Variants in APEH observed in about 807,000 individuals in gnomAD.
The protein encoded by APEH is acylaminoacyl-peptide hydrolase, also known as acylamino-acid-releasing enzyme.
Under a neutral mutation model 102.7 loss-of-function variants are expected in APEH, and 75 were observed. The observed-to-expected ratio is 0.73, with a 90% CI of 0.61 to 0.89. The LOEUF (loss-of-function observed/expected upper bound fraction) is 0.89, where lower values mean the gene tolerates loss of function less well. Among genes scored for constraint, APEH ranks in the 40% least tolerant of loss-of-function variants. APEH has a pLI of 0.00. For synonymous variants in APEH, 344 were observed against 362.7 expected (o/e 0.95, Z 0.59); for missense variants, 863 against 941.2 (o/e 0.92, Z 1.09).
chr3:49,673,568 C>G (rs1390100790), upstream of APEH, among the ~76,000 whole-genome samples: 6 of 152,172 alleles, frequency 3.9e-5, no homozygotes, highest in Admixed American at 3.9e-4. Context: ...GTCCGGGCAG[C>G]ACCCTAAGAG....
chr3:49,682,499 C>A (rs759761497), intron 18 of APEH, 47 bp from the exon 19 acceptor site: 1 of 1,612,778 alleles, frequency 6.2e-7, no homozygotes, highest in Non-Finnish European at 8.5e-7. Flanking sequence ...TGCCTCCATT[C>A]AGCTGAGCGG....
In APEH at chr3:49,679,631, C is replaced by T. The variant is rs776070824; in HGVS notation, c.1197C>T (p.Thr399=). The T allele has an allele frequency of 3.7e-6, 6 of 1,613,704 alleles. No homozygotes were observed. The Admixed American group carries it at 8.3e-5, about 22-fold the overall frequency. The change falls in exon 13 of 22, where the codon ACC becomes ACT. Residue 399 remains threonine (T), a synonymous_variant. Coordinates refer to ENST00000296456, the MANE Select transcript of APEH (RefSeq NM_001640.4). This position sits in a 1 kb window ranked among gnomAD's most constrained non-coding sequence, Gnocchi z 4.3. The part of the protein sequence containing the change: ...FAVDTQVGTV[T]SLTAGGSGGS... ...TGGACACCCAAGTGGGCACTGTGACCTCCCTCACAGCTGGTGAGCAAGGCT... is the reference window on the plus strand; with the variant it reads ...TGGACACCCAAGTGGGCACTGTGACTTCCCTCACAGCTGGTGAGCAAGGCT...
intron 10 of APEH, among the ~76,000 whole-genome samples, chr3:49,677,354 C>T (rs1367753083): frequency 6.6e-6 from 1 of 152,200 alleles, no homozygotes; most frequent in Non-Finnish European, 1.5e-5. Context: ...AGACCCTCCC[C>T]AGGAAGAGCT....
At chr3:49,683,212 A>C in intron 21 of APEH, 25 bp from the exon 22 acceptor site, 1 of 1,610,446 alleles carries the variant, frequency 6.2e-7, no homozygotes, top group South Asian at 1.1e-5. Flanking sequence ...CTCCAACCTT[A>C]AATGTTGCTG....
At position 49,676,091 on chromosome 3, in the gene APEH, A is replaced by G. The variant is rs1559630464; in HGVS notation, c.478A>G (p.Thr160Ala). The stretch of plus-strand genomic sequence containing the variant: ...CTGCCTGTCCTGGTCGCACTCGGAG[A>G]CACACTTGTTGTATGTGGCAGAGAA... ...FGCLSWSHSE[T>A]HLLYVAEKKR... Residue 160 changes from threonine (T) to alanine (A), a missense_variant, in exon 6 of 22, where the codon ACA (threonine) becomes GCA (alanine). Physicochemically the swap from Thr to Ala is moderately conservative, Grantham distance 58. Coordinates refer to ENST00000296456, the MANE Select transcript of APEH (RefSeq NM_001640.4). 1 of 1,614,200 alleles carries G rather than the reference A, an allele frequency of 6.2e-7. No individual in the cohort carries two copies. Among genetic ancestry groups the G allele is most frequent in the East Asian group, 2.2e-5 (1 of 44,882 alleles).
At chr3:49,677,519 C>T (rs1310403686) in intron 10 of APEH, 54 bp from the exon 11 acceptor site, 1 of 1,524,784 alleles carries the variant, frequency 6.6e-7, no homozygotes, top group African/African-American at 1.4e-5. Context: ...GGGCACTGTG[C>T]CCTAAGGGAA....
Position 49,679,476 on chromosome 3 carries a change from A to ACAGCTGTCCCAGCC in APEH, c.1159-113_1159-112insTGTCCCAGCCCAGC, listed in dbSNP as rs1410422966. On this transcript the variant is annotated intron_variant, in intron 12 of 21. Coordinates refer to ENST00000296456, the MANE Select transcript of APEH (RefSeq NM_001640.4). This position sits in a 1 kb window ranked among gnomAD's most constrained non-coding sequence, Gnocchi z 4.3. ...TGAGTAACCATCACCATAGCTGTCCACAGCCTTGGTCTGGCCAGGGCTCTC... is the reference window on the plus strand; with the variant it reads ...TGAGTAACCATCACCATAGCTGTCCACAGCTGTCCCAGCCCAGCCTTGGTCTGGCCAGGGCTCTC... 9.3e-7 allele frequency: 1 copy of ACAGCTGTCCCAGCC among 1,075,772 alleles called. No individual in the cohort carries two copies. The highest frequency in any genetic ancestry group is 1.4e-6 in the Non-Finnish European group (1 of 709,498). The allele number at this position is 1,075,772 out of a possible 1,614,324, so 66.6% of individuals were successfully genotyped here.
chr3:49,682,431 G>A lies in APEH; in HGVS notation c.1687G>A (p.Val563Ile), dbSNP rs770944372. ...TGTGGGCCACCAGGATGTGAAGGAT[G>A]TCCAGGTAGCAGGGGCTGGGGCTTC... Reference protein sequence around the residue: ...GNVGHQDVKDVQFAVEQVLQE... With the variant: ...GNVGHQDVKDIQFAVEQVLQE... The change falls in exon 18 of 22, where the codon GTC becomes ATC. Residue 563 changes from valine to isoleucine, a missense_variant. Val to Ile is a conservative substitution (Grantham distance 29). Coordinates refer to ENST00000296456, the MANE Select transcript of APEH (RefSeq NM_001640.4). 12 of 1,613,950 alleles carry A rather than the reference G, an allele frequency of 7.4e-6. No individual in the cohort carries two copies. The highest frequency in any genetic ancestry group is 8.5e-6 in the Non-Finnish European group (10 of 1,179,844).
intron 11 of APEH, among the ~76,000 whole-genome samples, chr3:49,678,086 A>G (rs2053151766): frequency 6.6e-6 from 1 of 152,150 alleles, no homozygotes; most frequent in Non-Finnish European, 1.5e-5. Flanking sequence ...GTCCAGTCTA[A>G]GCCCTGAAGT....
In APEH at chr3:49,676,174, C is replaced by T. The variant is rs770364290; in HGVS notation, c.561C>T (p.Ser187=). ...FQTKALDVSA[S]DDEIARLKKP... ...CCAAAGCCTTGGACGTCAGTGCCAGCGATGATGAGATAGCCAGGCTGAAGA... is the reference window on the plus strand; with the variant it reads ...CCAAAGCCTTGGACGTCAGTGCCAGTGATGATGAGATAGCCAGGCTGAAGA... The change falls in exon 6 of 22, where the codon AGC becomes AGT. Residue 187 remains serine, a synonymous_variant. Coordinates refer to ENST00000296456, the MANE Select transcript of APEH (RefSeq NM_001640.4). 6.7e-5 allele frequency: 108 copies of T among 1,614,026 alleles called. No homozygotes were observed. The highest frequency in any genetic ancestry group is 8.3e-5 in the Admixed American group (5 of 60,012).
chr3:49,682,452 G>T lies in APEH; in HGVS notation c.1692+16G>T. ...GGATGTCCAGGTAGCAGGGGCTGGG[G>T]CTTCTGGACAGGCTGAAACATGGGC... On this transcript the variant is annotated intron_variant, in intron 18 of 21. Coordinates refer to ENST00000296456, the MANE Select transcript of APEH (RefSeq NM_001640.4). The T allele has an allele frequency of 1.2e-6, 2 of 1,613,014 alleles. No homozygotes were observed. Among genetic ancestry groups the T allele is most frequent in the Non-Finnish European group, 1.7e-6 (2 of 1,179,040 alleles).
chr3:49,681,433 GGGCTTCACCA>G (rs2053314831), intron 15 of APEH, among the ~76,000 whole-genome samples, 194 bp downstream of exon 15: 1 of 152,220 alleles, frequency 6.6e-6, no homozygotes, highest in South Asian at 2.1e-4. Flanking sequence ...GATATCACCT[GGGCTTCACCA>G]GGCCAAATCA....
Position 49,676,938 on chromosome 3 carries a change from C to A in APEH, c.913C>A (p.Pro305Thr). The A allele has an allele frequency of 1.9e-6, 3 of 1,614,214 alleles. No homozygotes were observed. Among genetic ancestry groups the A allele is most frequent in the Non-Finnish European group, 2.5e-6 (3 of 1,180,028 alleles). The stretch of plus-strand genomic sequence containing the variant: ...GGATGACTCCCTGGCTGTCTCTTCT[C>A]CCCGGCTGAGCCCAGACCAATGTCG... ...LSDDSLAVSS[P>T]RLSPDQCRIV... The change falls in exon 10 of 22, where the codon CCC becomes ACC. Residue 305 changes from proline (P) to threonine (T), a missense_variant. Transcript: ENST00000296456.
chr3:49,676,505 C>T lies in APEH; in HGVS notation c.734C>T (p.Ser245Phe), dbSNP rs1359522215. 2 of 1,614,244 alleles carry T rather than the reference C, an allele frequency of 1.2e-6. No individual in the cohort carries two copies. Among genetic ancestry groups the T allele is most frequent in the Non-Finnish European group, 1.7e-6 (2 of 1,180,036 alleles). Residue 245 changes from serine (S) to phenylalanine (F), a missense_variant, in exon 7 of 22, where the codon TCC becomes TTC. By Grantham distance (155) the Ser-to-Phe change is radical (BLOSUM62 -2). Transcript: ENST00000296456. ...SVLEGVPENV[S>F]PGQAFWAPGD... ...CTTGAGGGGGTCCCTGAGAATGTGT[C>T]CCCTGGACAGGTCAGCAGCAACAGC...
In APEH at chr3:49,676,499, A is replaced by T. The variant is rs1375426108; in HGVS notation, c.728A>T (p.Asn243Ile). 2 of 1,614,070 alleles carry T rather than the reference A, an allele frequency of 1.2e-6. No homozygotes were observed. The highest frequency in any genetic ancestry group is 2.7e-5 in the African/African-American group (2 of 74,936). ...NISVLEGVPE[N>I]VSPGQAFWAP... ...TCTGTGCTTGAGGGGGTCCCTGAGA[A>T]TGTGTCCCCTGGACAGGTCAGCAGC... Residue 243 changes from asparagine to isoleucine, a missense_variant, in exon 7 of 22, where the codon AAT (asparagine) becomes ATT (isoleucine). Coordinates refer to ENST00000296456, the MANE Select transcript of APEH (RefSeq NM_001640.4).
Position 49,682,980 on chromosome 3 carries a change from A to C in APEH, c.1986+35A>C, listed in dbSNP as rs1275710879. ...CCCCTCCTTGCCCTGTGTGCTGCCC[A>C]TCCATCCAGAATCCAGGGCCCAGCT... is the stretch of plus-strand genomic sequence containing the variant. On this transcript the variant is annotated intron_variant, in intron 20 of 21. Transcript: ENST00000296456. 7 of 1,611,114 alleles carry C rather than the reference A, an allele frequency of 4.3e-6. No homozygotes were observed. The Admixed American group carries it at 5.0e-5, about 12-fold the overall frequency.
At position 49,679,375 on chromosome 3, in the gene APEH, C is replaced by T. The variant is rs1344689473; in HGVS notation, c.1159-218C>T. Among the ~76,000 whole-genome samples, 1 of 152,190 alleles carries T rather than the reference C, an allele frequency of 6.6e-6. No individual in the cohort carries two copies. Among genetic ancestry groups the T allele is most frequent in the Non-Finnish European group, 1.5e-5 (1 of 68,032 alleles). ...AAAGGGGCTCAAAGCCATTCCTTAC[C>T]TTGCCCAGGGTCACCCAGCAAGTTG... is the stretch of plus-strand genomic sequence containing the variant. On this transcript the variant is annotated intron_variant, in intron 12 of 21. Transcript: ENST00000296456. This position sits in a 1 kb window ranked among gnomAD's most constrained non-coding sequence, Gnocchi z 4.3.
Position 49,681,206 on chromosome 3 carries a change from C to T in APEH, c.1405C>T (p.Gln469Ter), listed in dbSNP as rs1474175264. The change falls in exon 15 of 22, where the codon CAG becomes TAG. Residue 469 changes from glutamine (Q) to a stop codon, truncating the protein, a stop_gained. Transcript: ENST00000296456. LOFTEE classifies it high-confidence loss of function. ...PDIHWGIRVLQPPPEQENVQY... is the reference protein window; with the variant it reads ...PDIHWGIRVL ...CATCCACTGGGGCATCCGGGTGCTA[C>T]AGCCACCCCCAGAGCAAGAGAATGT... 1.2e-6 allele frequency: 2 copies of T among 1,606,580 alleles called. No homozygotes were observed. The highest frequency in any genetic ancestry group is 1.1e-5 in the South Asian group (1 of 90,240).
intron 9 of APEH, 34 bp downstream of exon 9, chr3:49,676,851 C>T: frequency 6.2e-7 from 1 of 1,614,246 alleles, no homozygotes; most frequent in Non-Finnish European, 8.5e-7. Context: ...GCTTTGCTGA[C>T]ACATGTTGGC....
Sources: gnomAD v4.1 joint callset for allele counts (sites outside exome capture counted in the v4.1 genomes callset) on GRCh38, gnomAD v4.1.1 for gene constraint, Gnocchi (gnomAD v3.1) non-coding constraint, MANE v1.5 for transcripts, NCBI Gene and HGNC (gene_info 2026-07-23, HGNC 2026-07-21) for gene names.